The following ELF2 variants were observed in gnomAD, a reference collection of about 807,000 sequenced individuals.
The protein encoded by ELF2 is E74 like ETS transcription factor 2, also known as ETS-related transcription factor Elf-2.
ELF2 carries 11 observed loss-of-function variants against 54.8 expected under a neutral mutation model. The observed-to-expected ratio is 0.20, with a 90% CI of 0.13 to 0.33. The LOEUF is 0.33. Among genes scored for constraint, ELF2 ranks in the 10% least tolerant of loss-of-function variants. The pLI is 1.00. For missense variants in ELF2, 513 were observed against 703.0 expected (o/e 0.73, Z 3.06); for synonymous variants, 203 against 245.1 (o/e 0.83, Z 1.61).
chr4:139,120,652 G>A (rs150395084), intron 4 of ELF2, among the ~76,000 whole-genome samples: 50 of 151,996 alleles, frequency 3.3e-4, no homozygotes, highest in African/African-American at 1.1e-3. Flanking sequence ...ATGTTGCCCA[G>A]GCTGGTCTTG....
chr4:139,139,143 C>A (rs528637180), intron 2 of ELF2, among the ~76,000 whole-genome samples: 1 of 152,144 alleles, frequency 6.6e-6, no homozygotes, highest in South Asian at 2.1e-4. Context: ...TTATGTTTGC[C>A]TGCTGGCAAT....
At chr4:139,154,710 G>C (rs1461166066) in intron 1 of ELF2, among the ~76,000 whole-genome samples, 1 of 151,262 alleles carries the variant, frequency 6.6e-6, no homozygotes, top group Non-Finnish European at 1.5e-5. Context: ...TTATCTTCAT[G>C]AGTGCAGGAC....
At chr4:139,120,658 T>A (rs987096962) in intron 4 of ELF2, among the ~76,000 whole-genome samples, 22 of 151,942 alleles carry the variant, frequency 1.4e-4, no homozygotes, top group African/African-American at 4.4e-4. Flanking sequence ...CCCAGGCTGG[T>A]CTTGAATTCC....
chr4:139,168,743 G>GT lies in ELF2; in HGVS notation c.-252+8223dup, dbSNP rs199880403. On this transcript the variant is annotated intron_variant, in intron 1 of 9. Coordinates refer to ENST00000686138, the MANE Select transcript of ELF2 (RefSeq NM_001331036.3). ...AAGAAAGATCCCTTTTGTTTTATTTGTTTTTTTAGAGACAGGGTCTCACCA... is the reference window on the plus strand; with the variant it reads ...AAGAAAGATCCCTTTTGTTTTATTTGTTTTTTTTAGAGACAGGGTCTCACCA... Among the ~76,000 whole-genome samples the GT allele has an allele frequency of 5.0e-3, 767 of 152,058 alleles. 3 individuals are homozygous for GT. The highest frequency in any genetic ancestry group is 0.017 in the African/African-American group (721 of 41,484).
At chr4:139,138,988 T>C (rs1220228244) in intron 2 of ELF2, among the ~76,000 whole-genome samples, 1 of 152,172 alleles carries the variant, frequency 6.6e-6, no homozygotes, top group Non-Finnish European at 1.5e-5. Flanking sequence ...ATTTCATGTA[T>C]ACAAAAATTT....
chr4:139,084,058 GGGA>G, intron 4 of ELF2: 1 of 1,607,984 alleles, frequency 6.2e-7, no homozygotes, highest in Admixed American at 1.7e-5. Flanking sequence ...ACTGCTACAG[GGGA>G]GTCACCCCGC....
intron 1 of ELF2, among the ~76,000 whole-genome samples, chr4:139,143,438 C>A (rs1015416942): frequency 6.6e-6 from 1 of 152,134 alleles, no homozygotes; most frequent in Non-Finnish European, 1.5e-5. Context: ...CTTAAAAGGC[C>A]AGCAAACCCC....
chr4:139,135,411 G>A (rs1286689143), intron 3 of ELF2, among the ~76,000 whole-genome samples: 1 of 151,618 alleles, frequency 6.6e-6, no homozygotes, highest in Non-Finnish European at 1.5e-5. Context: ...CTCTCTTCCT[G>A]CAATTCTCTT....
chr4:139,164,610 C>T (rs749113592), intron 1 of ELF2, among the ~76,000 whole-genome samples: 25 of 152,198 alleles, frequency 1.6e-4, no homozygotes, highest in Non-Finnish European at 3.5e-4. Flanking sequence ...GCACTCTAGC[C>T]TAGGTGACAG....
intron 3 of ELF2, among the ~76,000 whole-genome samples, chr4:139,126,527 C>T (rs1384551430): frequency 1.3e-5 from 2 of 152,194 alleles, no homozygotes; most frequent in Non-Finnish European, 1.5e-5. Flanking sequence ...AGGCATATCA[C>T]TGTGAAATAT....
intron 4 of ELF2, among the ~76,000 whole-genome samples, chr4:139,118,342 A>G (rs933424328): frequency 5.3e-5 from 8 of 152,236 alleles, no homozygotes; most frequent in African/African-American, 1.7e-4. Context: ...CATTGTGGAA[A>G]TCTTCATGTA....
At chr4:139,099,654 C>G (rs905802392) in intron 4 of ELF2, among the ~76,000 whole-genome samples, 1 of 152,196 alleles carries the variant, frequency 6.6e-6, no homozygotes, top group Non-Finnish European at 1.5e-5. Context: ...ATACACACAC[C>G]TCTTCCTCCT....
intron 4 of ELF2, among the ~76,000 whole-genome samples, chr4:139,098,127 T>C (rs992955666): frequency 7.2e-5 from 11 of 152,268 alleles, no homozygotes; most frequent in Non-Finnish European, 1.5e-4. Context: ...TACAATGTCC[T>C]ATATATCTCC....
At chr4:139,076,708 C>T (rs1730362142) in intron 4 of ELF2, among the ~76,000 whole-genome samples, 1 of 151,872 alleles carries the variant, frequency 6.6e-6, no homozygotes, top group Non-Finnish European at 1.5e-5. Flanking sequence ...ATGAAATTTG[C>T]CTAACAGTTA....
chr4:139,073,828 A>G, intron 4 of ELF2: 1 of 184,886 alleles, frequency 5.4e-6, no homozygotes, highest in Non-Finnish European at 1.1e-5. Flanking sequence ...AATGACATTG[A>G]TTAGAAATTA....
At chr4:139,094,651 A>G (rs1371407044) in intron 4 of ELF2, among the ~76,000 whole-genome samples, 4 of 152,182 alleles carry the variant, frequency 2.6e-5, no homozygotes, top group Admixed American at 2.0e-4. Flanking sequence ...ATACAACAGG[A>G]CATACAACCT....
intron 4 of ELF2, among the ~76,000 whole-genome samples, chr4:139,098,144 C>A (rs140168285): frequency 6.6e-6 from 1 of 152,162 alleles, no homozygotes; most frequent in South Asian, 2.1e-4. Flanking sequence ...CTCCAATTTA[C>A]GAAGTTTGTT....
At position 139,059,481 on chromosome 4, in the gene ELF2, C is replaced by T. The variant is rs770543967; in HGVS notation, c.1284G>A (p.Ala428=). 9 of 1,613,920 alleles carry T rather than the reference C, an allele frequency of 5.6e-6. No individual in the cohort carries two copies. Among genetic ancestry groups the T allele is most frequent in the Non-Finnish European group, 6.8e-6 (8 of 1,179,856 alleles). Residue 428 remains alanine, a synonymous_variant, in exon 10 of 10, where the codon GCG becomes GCA. Transcript: ENST00000686138. Reference sequence around the variant, plus strand: ...TCTGAATGACTACCTTTGGAGAGGTCGCTGTTGTTGGACTAGTGCTGGTTA... The same window carrying T: ...TCTGAATGACTACCTTTGGAGAGGTTGCTGTTGTTGGACTAGTGCTGGTTA... ...PLITSTSPTT[A]TSPKVVIQTI...
chr4:139,139,556 C>G, intron 1 of ELF2, 59 bp from the exon 2 acceptor site: 1 of 941,772 alleles, frequency 1.1e-6, no homozygotes, highest in Non-Finnish European at 1.4e-6. Context: ...AAGCACTATG[C>G]TCAAACAGAT....
Sources: gnomAD v4.1 joint callset for allele counts (sites outside exome capture counted in the v4.1 genomes callset) on GRCh38, gnomAD v4.1.1 for gene constraint, MANE v1.5 for transcripts, NCBI Gene and HGNC (gene_info 2026-07-23, HGNC 2026-07-21) for gene names.